Variants in SMAD4 observed in about 807,000 individuals in gnomAD.
SMAD4 encodes the protein SMAD family member 4, also known as MAD homolog 4.
A neutral mutation model predicts 63.2 loss-of-function variants in SMAD4; 7 were observed. The observed-to-expected ratio is 0.11, with a 90% CI of 0.06 to 0.21. The LOEUF (loss-of-function observed/expected upper bound fraction) is 0.21. SMAD4 is among the 10% of genes least tolerant of loss of function. The pLI, the probability that SMAD4 is intolerant of heterozygous loss-of-function variation, is 1.00. For missense variants in SMAD4, 312 were observed against 693.8 expected (o/e 0.45, Z 6.18); for synonymous variants, 215 against 235.4 (o/e 0.91, Z 0.79).
chr18:51,084,000 G>GT lies in SMAD4; in HGVS notation c.*5533_*5534insT, dbSNP rs1568213069. ...TGCAATAAACACTTAACGCGCGTGCGCACGCGCGCGCGCACACACACACAC... is the reference window on the plus strand; with the variant it reads ...TGCAATAAACACTTAACGCGCGTGCGTCACGCGCGCGCGCACACACACACAC... On this transcript the variant is annotated 3_prime_UTR_variant, in exon 12 of 12. Transcript: ENST00000342988. 859 of 201,462 alleles carry GT rather than the reference G, an allele frequency of 4.3e-3. 3 individuals carry two copies. The highest frequency in any genetic ancestry group is 0.023 in the African/African-American group (797 of 34,458). The allele number at this position is 201,462 out of a possible 1,614,324, so 12.5% of individuals were successfully genotyped here.
At chr18:51,039,495 C>T (rs1909309239) in intron 1 of SMAD4, among the ~76,000 whole-genome samples, 1 of 129,080 alleles carries the variant, frequency 7.7e-6, no homozygotes, top group Non-Finnish European at 1.7e-5. Flanking sequence ...CCCCACCCCC[C>T]CACCCCCCCA....
chr18:51,048,202 G>C (rs968209005), intron 2 of SMAD4, among the ~76,000 whole-genome samples: 1 of 152,080 alleles, frequency 6.6e-6, no homozygotes, highest in African/African-American at 2.4e-5. Context: ...TTTTGCCCAA[G>C]CTGGAGTGCA....
chr18:51,078,122 G>A (rs1358310209), intron 11 of SMAD4, 134 bp from the exon 12 acceptor site: 3 of 769,614 alleles, frequency 3.9e-6, no homozygotes. Context: ...GTTACTTCTT[G>A]GCACTTTAGC....
rs954007184 is a variant in SMAD4 at position 51,084,389 on chromosome 18, G to A, written c.*5922G>A. ...TCTTGGCTCTTTTTAGGTCCATTTTGATTAAGTGACTTTTGGCTGGATCAT... is the reference window on the plus strand; with the variant it reads ...TCTTGGCTCTTTTTAGGTCCATTTTAATTAAGTGACTTTTGGCTGGATCAT... On this transcript the variant is annotated 3_prime_UTR_variant, in exon 12 of 12. Coordinates refer to ENST00000342988, the MANE Select transcript of SMAD4 (RefSeq NM_005359.6). 15 of 220,348 alleles carry A rather than the reference G, an allele frequency of 6.8e-5. No individual in the cohort carries two copies. The highest frequency in any genetic ancestry group is 3.4e-4 in the African/African-American group (15 of 44,458). The allele number at this position is 220,348 out of a possible 1,614,324, so 13.6% of individuals were successfully genotyped here.
intron 7 of SMAD4, among the ~76,000 whole-genome samples, chr18:51,059,550 T>C (rs183996470): frequency 1.3e-5 from 2 of 152,368 alleles, no homozygotes; most frequent in Admixed American, 6.5e-5. Flanking sequence ...GCATTATAAA[T>C]TGTACTGTAT....
chr18:51,050,779 C>G (rs1327555010), intron 4 of SMAD4, among the ~76,000 whole-genome samples: 1 of 151,276 alleles, frequency 6.6e-6, no homozygotes, highest in East Asian at 1.9e-4. Context: ...GTCAGAAATA[C>G]TAGGTGACCT....
At chr18:51,076,956 C>G (rs1322406214) in intron 11 of SMAD4, 180 bp downstream of exon 11, 8 of 526,274 alleles carry the variant, frequency 1.5e-5, no homozygotes, top group Non-Finnish European at 2.7e-5. Flanking sequence ...GCCTATGACC[C>G]TGTTTGCATT....
At chr18:51,073,002 G>T (rs1910357496) in intron 10 of SMAD4, among the ~76,000 whole-genome samples, 1 of 152,122 alleles carries the variant, frequency 6.6e-6, no homozygotes, top group Non-Finnish European at 1.5e-5. Context: ...TTAGTTATTA[G>T]TGAACCTAAC....
intron 10 of SMAD4, among the ~76,000 whole-genome samples, chr18:51,069,898 C>A (rs1599199064): frequency 6.6e-6 from 1 of 152,152 alleles, no homozygotes; most frequent in South Asian, 2.1e-4. Flanking sequence ...TTGGTATACC[C>A]CTAGTACCTC....
intron 3 of SMAD4, 23 bp from the exon 4 acceptor site, chr18:51,049,272 G>C (rs1217405501): frequency 5.9e-6 from 9 of 1,525,370 alleles, no homozygotes; most frequent in Non-Finnish European, 8.2e-6. Flanking sequence ...TGTTTCATTT[G>C]TTTTCCCCTT....
In SMAD4 at chr18:51,076,681, C is replaced by T. The variant is rs1275841831; in HGVS notation, c.1352C>T (p.Ala451Val). ...RQCHRQMQQQ[A>V]ATAQAAAAAQ... ...TGTCATCGACAGATGCAGCAGCAGG[C>T]GGCTACTGCACAAGCTGCAGCAGCT... Residue 451 changes from alanine (A) to valine (V), a missense_variant, in exon 11 of 12, where the codon GCG becomes GTG. Coordinates refer to ENST00000342988, the MANE Select transcript of SMAD4 (RefSeq NM_005359.6). 4 of 1,613,392 alleles carry T rather than the reference C, an allele frequency of 2.5e-6. No individual in the cohort carries two copies. The highest frequency in any genetic ancestry group is 2.5e-6 in the Non-Finnish European group (3 of 1,179,396).
chr18:51,035,883 A>G (rs1909189398), intron 1 of SMAD4, among the ~76,000 whole-genome samples: 1 of 152,260 alleles, frequency 6.6e-6, no homozygotes, highest in African/African-American at 2.4e-5. Flanking sequence ...ATGCTGCTTC[A>G]GAATGGGAAT....
At chr18:51,059,948 T>A (rs1877194405) in intron 8 of SMAD4, 32 bp downstream of exon 8, 6 of 1,523,160 alleles carry the variant, frequency 3.9e-6, no homozygotes, top group African/African-American at 1.4e-5. Context: ...TTTCCTGTAT[T>A]TAGATTGATT....
rs1172369080 is a variant in SMAD4 at position 51,080,469 on chromosome 18, G to A, written c.*2002G>A. On this transcript the variant is annotated 3_prime_UTR_variant, in exon 12 of 12. Transcript: ENST00000342988. ...TTTACTGTGAATGAGGAATAGGAGT[G>A]AGTTTTAGAATAACAGATTTTTAAA... 1 of 226,840 alleles carries A rather than the reference G, an allele frequency of 4.4e-6. No individual in the cohort carries two copies. The highest frequency in any genetic ancestry group is 8.8e-6 in the Non-Finnish European group (1 of 114,256). 14.1% of individuals were successfully genotyped at this position (226,840 alleles called of 1,614,324 possible).
intron 10 of SMAD4, among the ~76,000 whole-genome samples, chr18:51,074,174 C>A (rs1910410653): frequency 7.3e-6 from 1 of 136,504 alleles, no homozygotes; most frequent in African/African-American, 2.8e-5. Flanking sequence ...AGGAGTAGTT[C>A]AAGATCAGCC....
At chr18:51,067,315 TAAA>T (rs1001213069) in intron 10 of SMAD4, 128 bp downstream of exon 10, 1 of 510,760 alleles carries the variant, frequency 2.0e-6, no homozygotes, top group Non-Finnish European at 3.5e-6. Flanking sequence ...TGTTTAAGTA[TAAA>T]AAACACATTT....
intron 9 of SMAD4, 84 bp downstream of exon 9, chr18:51,065,690 ACATTAT>A: frequency 1.9e-6 from 2 of 1,063,250 alleles, no homozygotes; most frequent in Non-Finnish European, 2.8e-6. Context: ...TTTCCCATGT[ACATTAT>A]ATGTGTTCTT....
At chr18:51,076,291 A>T (rs1910469526) in intron 10 of SMAD4, among the ~76,000 whole-genome samples, 2 of 152,216 alleles carry the variant, frequency 1.3e-5, no homozygotes, top group African/African-American at 4.8e-5. Context: ...AGGAAAATTC[A>T]GCAATTTGAT....
At chr18:51,046,031 T>C (rs1316374887) in intron 1 of SMAD4, among the ~76,000 whole-genome samples, 1 of 152,244 alleles carries the variant, frequency 6.6e-6, no homozygotes, top group African/African-American at 2.4e-5. Flanking sequence ...CATCAGTTGA[T>C]GGACATTTGA....
Sources: gnomAD v4.1 joint callset for allele counts (sites outside exome capture counted in the v4.1 genomes callset) on GRCh38, gnomAD v4.1.1 for gene constraint, MANE v1.5 for transcripts, NCBI Gene and HGNC (gene_info 2026-07-23, HGNC 2026-07-21) for gene names.